Variants in PZP observed in about 807,000 individuals in gnomAD.
The protein encoded by PZP is PZP alpha-2-macroglobulin like, also known as pregnancy zone protein.
A neutral mutation model predicts 179.8 loss-of-function variants in PZP; 150 were observed. That is an observed-to-expected ratio of 0.83 (90% CI 0.73 to 0.96). The LOEUF (loss-of-function observed/expected upper bound fraction) is 0.96, where lower values mean the gene tolerates loss of function less well. Ranked by LOEUF, PZP falls within the 40% of genes least tolerant of loss-of-function variation. The pLI is 0.00. For synonymous variants in PZP, 624 were observed against 652.3 expected (o/e 0.96, Z 0.66); for missense variants, 1,689 against 1,764.0 (o/e 0.96, Z 0.76).
chr12:9,169,236 C>G (rs1323955445), intron 16 of PZP, among the ~76,000 whole-genome samples, 194 bp downstream of exon 16: 1 of 151,948 alleles, frequency 6.6e-6, no homozygotes, highest in Non-Finnish European at 1.5e-5. Flanking sequence ...GAGGTTAGAT[C>G]TAGCCCTGAC....
chr12:9,154,254 T>C lies in PZP; in HGVS notation c.3774+362A>G, dbSNP rs769833950. On this transcript the variant is annotated intron_variant, in intron 29 of 35. Coordinates refer to ENST00000261336, the MANE Select transcript of PZP (RefSeq NM_002864.3). ...TAATGGGGAGAGGCCAGGGATACTA[T>C]TGAATATTTTATAAGGCTGAGGATA... Among the ~76,000 whole-genome samples the C allele has an allele frequency of 6.6e-5, 10 of 152,328 alleles. No individual in the cohort carries two copies. The South Asian group carries it at 2.1e-3, about 32-fold the overall frequency.
At chr12:9,185,998 G>A (rs930418344) in intron 13 of PZP, among the ~76,000 whole-genome samples, 3 of 151,646 alleles carry the variant, frequency 2.0e-5, no homozygotes, top group Non-Finnish European at 2.9e-5. Flanking sequence ...AGTAGAGATG[G>A]GGTTTCACCA....
At chr12:9,150,811 C>T in intron 33 of PZP, 65 bp from the exon 34 acceptor site, 1 of 998,530 alleles carries the variant, frequency 1.0e-6, no homozygotes, top group Non-Finnish European at 1.6e-6. Flanking sequence ...ATGAGCAAAA[C>T]ATATTCTTAT....
intron 20 of PZP, 68 bp downstream of exon 20, chr12:9,164,065 A>G: frequency 6.7e-7 from 1 of 1,501,832 alleles, no homozygotes; most frequent in Non-Finnish European, 9.1e-7. Context: ...AGAGAATATG[A>G]TGAAAAAAGT....
chr12:9,143,491 G>T, the PZP span, among the ~76,000 whole-genome samples: 2 of 152,090 alleles, frequency 1.3e-5, no homozygotes, highest in Non-Finnish European at 2.9e-5. Flanking sequence ...GGTTTAGAAG[G>T]AAGGAATTTC....
rs1235926746 is a variant in PZP, at chr12:9,196,643, T to A, written c.910A>T (p.Met304Leu). The change falls in exon 9 of 36, where the codon ATG (methionine) becomes TTG (leucine). Residue 304 changes from methionine (M) to leucine (L), a missense_variant. Physicochemically the swap from Met to Leu is conservative, Grantham distance 15. Transcript: ENST00000261336. ...GCITQQVHTK[M>L]LQITNTGFEM... ...AAGCCCGTATTTGTAATCTGGAGCA[T>A]TTTGGTGTGTACTTGTTGGGTGATG... 6.2e-7 allele frequency: 1 copy of A among 1,613,862 alleles called. No individual in the cohort carries two copies. The highest frequency in any genetic ancestry group is 1.7e-5 in the Admixed American group (1 of 60,028).
intron 18 of PZP, 73 bp from the exon 19 acceptor site, chr12:9,165,440 C>A: frequency 6.5e-7 from 1 of 1,538,708 alleles, no homozygotes; most frequent in Non-Finnish European, 8.9e-7. Flanking sequence ...AATTAATATG[C>A]ATAAAGCTAA....
At chr12:9,160,971 G>A (rs1297670051) in intron 23 of PZP, 62 bp downstream of exon 23, 9 of 1,276,744 alleles carry the variant, frequency 7.0e-6, no homozygotes, top group East Asian at 4.6e-5. Context: ...ATACAAATAC[G>A]TAGATAAGAT....
chr12:9,174,980 C>T (rs981530007), intron 15 of PZP, among the ~76,000 whole-genome samples: 3 of 152,028 alleles, frequency 2.0e-5, no homozygotes, highest in African/African-American at 7.2e-5. Context: ...TCATATGGAA[C>T]CAAAAAAGAG....
rs1474176592 is a variant in PZP, at chr12:9,170,354, T to G, written c.1840-763A>C. On this transcript the variant is annotated intron_variant, in intron 15 of 35. Transcript: ENST00000261336. The surrounding 1 kb of genome is among the most constrained non-coding windows in gnomAD (Gnocchi z 4.6). Reference sequence around the variant, plus strand: ...CTGATACACAAAGCTATGTGGAGTCTTGGCAGAGCAGCTGCTCAGGCACAC... The same window carrying G: ...CTGATACACAAAGCTATGTGGAGTCGTGGCAGAGCAGCTGCTCAGGCACAC... 6.6e-6 allele frequency among the ~76,000 whole-genome samples: 1 copy of G among 152,166 alleles called. No homozygotes were observed. Among genetic ancestry groups the G allele is most frequent in the Non-Finnish European group, 1.5e-5 (1 of 68,034 alleles).
chr12:9,206,226 T>A (rs1944432283), intron 1 of PZP, among the ~76,000 whole-genome samples: 1 of 151,780 alleles, frequency 6.6e-6, no homozygotes, highest in African/African-American at 2.4e-5. Flanking sequence ...TTCCTTTAGT[T>A]CTTTGATCTT....
At chr12:9,194,711 G>A (rs1027975693) in intron 10 of PZP, among the ~76,000 whole-genome samples, 2 of 152,024 alleles carry the variant, frequency 1.3e-5, no homozygotes, top group Non-Finnish European at 2.9e-5. Context: ...TGATCTGCCC[G>A]CCTCGGCCTC....
Position 9,168,858 on chromosome 12 carries a change from T to G in PZP, c.2107+11A>C, listed in dbSNP as rs767407591. On this transcript the variant is annotated intron_variant, in intron 17 of 35. Transcript: ENST00000261336. ...ACATGAAATAAAATTAAAAGCAAAT[T>G]GCTGTTTTACCTCCATAGTATCCTT... 8 of 1,584,762 alleles carry G rather than the reference T, an allele frequency of 5.0e-6. No homozygotes were observed. The highest frequency in any genetic ancestry group is 6.9e-6 in the Non-Finnish European group (8 of 1,155,226).
chr12:9,202,474 T>G (rs1944220700), intron 3 of PZP, 51 bp downstream of exon 3: 1 of 1,612,726 alleles, frequency 6.2e-7, no homozygotes, highest in African/African-American at 1.3e-5. Flanking sequence ...CTTTGGCTGT[T>G]CAGGTGGCCC....
At position 9,157,797 on chromosome 12, in the gene PZP, A is replaced by C; in HGVS notation, c.3339T>G (p.Ile1113Met). ...DEATLSAYVT[I>M]ALLEIPLPVT... is the part of the protein sequence containing the mutation. ...CTGGGAGAGGAATTTCCAGAAGGGC[A>C]ATAGTAACATAGGCGGAGAGGGTCG... Residue 1113 changes from isoleucine to methionine, a missense_variant, in exon 27 of 36, where the codon ATT becomes ATG. By Grantham distance (10) the Ile-to-Met change is conservative. This residue lies in a region of PZP where 746 missense variants were observed against 749.2 expected (regional missense o/e 1.00). Coordinates refer to ENST00000261336, the MANE Select transcript of PZP (RefSeq NM_002864.3). 1 of 1,614,128 alleles carries C rather than the reference A, an allele frequency of 6.2e-7. No individual in the cohort carries two copies. Among genetic ancestry groups the C allele is most frequent in the Non-Finnish European group, 8.5e-7 (1 of 1,179,958 alleles).
chr12:9,157,347 A>G lies in PZP; in HGVS notation c.3378T>C (p.Ile1126=). 1 of 1,612,608 alleles carries G rather than the reference A, an allele frequency of 6.2e-7. No individual in the cohort carries two copies. Among genetic ancestry groups the G allele is most frequent in the Non-Finnish European group, 8.5e-7 (1 of 1,179,242 alleles). Residue 1126 remains isoleucine (I), a synonymous_variant, in exon 28 of 36, where the codon ATT becomes ATC. Transcript: ENST00000261336. The part of the protein sequence containing the change: ...LEIPLPVTNP[I]VRNALFCLES... Reference sequence around the variant, plus strand: ...CCAGGCAGAACAGGGCATTGCGAACAATAGGGTTCTGTAAAGGCAAAATGT... The same window carrying G: ...CCAGGCAGAACAGGGCATTGCGAACGATAGGGTTCTGTAAAGGCAAAATGT...
chr12:9,160,559 A>T lies in PZP; in HGVS notation c.2873-69T>A, dbSNP rs993639998. On this transcript the variant is annotated intron_variant, in intron 23 of 35. Coordinates refer to ENST00000261336, the MANE Select transcript of PZP (RefSeq NM_002864.3). Reference sequence around the variant, plus strand: ...TAAATAGCCAACATTATTAACAAAAATGGCCTTTATATTCAGAGTCTATCA... The same window carrying T: ...TAAATAGCCAACATTATTAACAAAATTGGCCTTTATATTCAGAGTCTATCA... 11 of 1,423,004 alleles carry T rather than the reference A, an allele frequency of 7.7e-6. No homozygotes were observed. In the African/African-American group the frequency reaches 1.5e-4, roughly 19 times the overall value. 88.1% of individuals were successfully genotyped at this position (1,423,004 alleles called of 1,614,324 possible). A position where few individuals can be genotyped will look rare whatever the true frequency, so the allele number is the denominator to read the frequency against.
At chr12:9,141,018 A>G in the PZP span, among the ~76,000 whole-genome samples, 73 of 152,338 alleles carry the variant, frequency 4.8e-4, 2 homozygotes, top group African/African-American at 1.6e-3. Flanking sequence ...AGTAAAAAAG[A>G]TTACTTCAGT....
chr12:9,138,335 C>T, the PZP span, among the ~76,000 whole-genome samples: 1 of 151,948 alleles, frequency 6.6e-6, no homozygotes, highest in Non-Finnish European at 1.5e-5. Flanking sequence ...CTGAACCATC[C>T]TTGCATCCTG....
Sources: allele counts gnomAD v4.1 joint callset (sites outside exome capture counted in the v4.1 genomes callset), GRCh38; gene constraint gnomAD v4.1.1; regional missense constraint gnomAD v4.1.1; non-coding constraint Gnocchi (gnomAD v3.1); transcripts MANE v1.5; gene names NCBI Gene and HGNC (gene_info 2026-07-23, HGNC 2026-07-21).